The following TNNI3K variants were observed in gnomAD, a reference collection of about 807,000 sequenced individuals.
TNNI3K encodes the protein serine/threonine-protein kinase TNNI3K.
TNNI3K carries 140 observed loss-of-function variants against 114.5 expected under a neutral mutation model. The observed-to-expected ratio is 1.22, with a 90% CI of 1.07 to 1.41. The LOEUF is 1.41. TNNI3K is among the 40% of genes most tolerant of loss of function. TNNI3K has a pLI of 0.00. For synonymous variants in TNNI3K, 347 were observed against 347.5 expected, an observed-to-expected ratio of 1.00 and a Z score of 0.02; for missense variants, 1,125 against 1,007.6, an observed-to-expected ratio of 1.12 and a Z score of -1.58.
chr1:74,436,421 A>C, intron 18 of TNNI3K, 53 bp from the exon 19 acceptor site: 1 of 1,528,068 alleles, frequency 6.5e-7, no homozygotes, highest in Non-Finnish European at 8.7e-7. Flanking sequence ...GTGATCTTTT[A>C]CCTTGGTTTT....
intron 17 of TNNI3K, among the ~76,000 whole-genome samples, chr1:74,411,011 CTT>C (rs1398517689): frequency 3.3e-5 from 5 of 152,052 alleles, no homozygotes; most frequent in Non-Finnish European, 7.4e-5. Flanking sequence ...GTAGTCATAC[CTT>C]AAAGCATACA....
chr1:74,395,163 A>G (rs1015017384), intron 17 of TNNI3K, among the ~76,000 whole-genome samples: 6 of 152,054 alleles, frequency 3.9e-5, no homozygotes, highest in African/African-American at 1.4e-4. Flanking sequence ...ACTACAAGCA[A>G]TTTAGGGGAT....
At chr1:74,431,814 G>A (rs536598928) in intron 17 of TNNI3K, among the ~76,000 whole-genome samples, 34 of 152,228 alleles carry the variant, frequency 2.2e-4, no homozygotes, top group African/African-American at 7.9e-4. Flanking sequence ...CTGAACTTAA[G>A]CCTCACTTGA....
At chr1:74,435,963 A>G (rs1666102480) in intron 17 of TNNI3K, 117 bp from the exon 18 acceptor site, 1 of 1,366,044 alleles carries the variant, frequency 7.3e-7, no homozygotes, top group Non-Finnish European at 9.8e-7. Flanking sequence ...TTTGGGGCCC[A>G]TTTATTCTCT....
intron 17 of TNNI3K, chr1:74,373,587 CTAAT>C: frequency 6.6e-6 from 1 of 151,998 alleles, no homozygotes; most frequent in South Asian, 2.1e-4. Flanking sequence ...GAGAAGATGT[CTAAT>C]TAATATTTTT....
At chr1:74,235,595 G>T in intron 1 of TNNI3K, 104 bp downstream of exon 1, 2 of 628,684 alleles carry the variant, frequency 3.2e-6, no homozygotes, top group East Asian at 6.1e-5. Context: ...GTATACGGAA[G>T]ATAAGGCAGC....
At chr1:74,464,729 A>G (rs1370056783) in intron 21 of TNNI3K, 1 of 1,580,556 alleles carries the variant, frequency 6.3e-7, no homozygotes. Context: ...TGGATTGAGT[A>G]TCTCAGAAGA....
intron 23 of TNNI3K, among the ~76,000 whole-genome samples, chr1:74,497,772 C>A (rs1030629670): frequency 6.6e-6 from 1 of 152,106 alleles, no homozygotes; most frequent in South Asian, 2.1e-4. Context: ...TGTAGAACTC[C>A]AATTCTAATT....
chr1:74,297,511 G>A (rs1162013354), intron 5 of TNNI3K, among the ~76,000 whole-genome samples: 1 of 135,300 alleles, frequency 7.4e-6, no homozygotes, highest in African/African-American at 3.0e-5. Flanking sequence ...ATCTTGTCCA[G>A]TGTGTGTGTG....
chr1:74,457,671 G>A (rs557652806), intron 20 of TNNI3K, among the ~76,000 whole-genome samples: 6 of 152,036 alleles, frequency 3.9e-5, no homozygotes, highest in African/African-American at 7.2e-5. Flanking sequence ...ATATTGTAGC[G>A]TATTGCTCTC....
intron 23 of TNNI3K, among the ~76,000 whole-genome samples, chr1:74,496,630 A>C (rs1669341100): frequency 6.6e-6 from 1 of 152,136 alleles, no homozygotes; most frequent in South Asian, 2.1e-4. Context: ...ATTCTTTATA[A>C]ATAAATTTAG....
chr1:74,406,138 T>A (rs1032003572), intron 17 of TNNI3K, among the ~76,000 whole-genome samples: 1 of 152,110 alleles, frequency 6.6e-6, no homozygotes, highest in Non-Finnish European at 1.5e-5. Flanking sequence ...GCAGAAACAG[T>A]TCTTGTGGTT....
intron 23 of TNNI3K, among the ~76,000 whole-genome samples, chr1:74,535,722 T>G (rs943620086): frequency 2.0e-5 from 3 of 152,182 alleles, no homozygotes; most frequent in Non-Finnish European, 2.9e-5. Context: ...TGTTGATGTC[T>G]AAGGTTCAAC....
intron 20 of TNNI3K, among the ~76,000 whole-genome samples, chr1:74,454,887 A>AT (rs1386423367): frequency 2.0e-5 from 3 of 152,052 alleles, no homozygotes; most frequent in Non-Finnish European, 4.4e-5. Context: ...GCATTCATTT[A>AT]TTTTTTAAAT....
intron 6 of TNNI3K, among the ~76,000 whole-genome samples, chr1:74,333,357 C>A (rs45612831): frequency 4.6e-5 from 7 of 152,292 alleles, no homozygotes; most frequent in Non-Finnish European, 4.4e-5. Context: ...GAAGTACAGG[C>A]CCAAAAGCAC....
chr1:74,420,195 TAGA>T (rs1337447301), intron 17 of TNNI3K, among the ~76,000 whole-genome samples: 2 of 152,138 alleles, frequency 1.3e-5, no homozygotes, highest in African/African-American at 2.4e-5. Flanking sequence ...AAAAATTAAC[TAGA>T]AGAAGTTCTC....
At chr1:74,240,651 A>G (rs1654133426) in intron 2 of TNNI3K, 1 of 152,184 alleles carries the variant, frequency 6.6e-6, no homozygotes, top group Admixed American at 6.5e-5. Flanking sequence ...AATAGTTTTT[A>G]TCATAATAAA....
chr1:74,543,785 C>T, intron 24 of TNNI3K, 121 bp from the exon 25 acceptor site: 2 of 1,092,446 alleles, frequency 1.8e-6, no homozygotes, highest in Non-Finnish European at 2.7e-6. Context: ...CACCAGCAAC[C>T]GTTGTCCAGA....
chr1:74,251,576 T>G (rs1428701541), intron 4 of TNNI3K, among the ~76,000 whole-genome samples: 2 of 152,250 alleles, frequency 1.3e-5, no homozygotes, highest in Non-Finnish European at 2.9e-5. Context: ...TACAGTTGGC[T>G]CATTACTCCC....
Sources: gnomAD v4.1 joint callset for allele counts (sites outside exome capture counted in the v4.1 genomes callset) on GRCh38, gnomAD v4.1.1 for gene constraint, MANE v1.5 for transcripts, NCBI Gene and HGNC (gene_info 2026-07-23, HGNC 2026-07-21) for gene names.